The following SLC34A3 variants were observed in gnomAD, a reference collection of about 807,000 sequenced individuals.
The protein encoded by SLC34A3 is sodium-dependent phosphate transport protein 2C.
SLC34A3 carries 60 observed loss-of-function variants against 43.9 expected under a neutral mutation model. That is an observed-to-expected ratio of 1.37 (90% CI 1.11 to 1.70). The LOEUF is 1.70. Among genes scored for constraint, SLC34A3 ranks in the 40% most tolerant of loss-of-function variants. SLC34A3 has a pLI of 0.00. For synonymous variants in SLC34A3, 451 were observed against 386.2 expected (o/e 1.17, Z -1.97); for missense variants, 969 against 823.8 (o/e 1.18, Z -2.16).
chr9:137,232,305 C>G (rs553784038), intron 3 of SLC34A3, 144 bp downstream of exon 3: 2 of 865,300 alleles, frequency 2.3e-6, no homozygotes, highest in African/African-American at 1.7e-5. Flanking sequence ...AGACACGTGT[C>G]CCTCAACCGG....
Position 137,234,807 on chromosome 9 carries a change from C to T in SLC34A3, c.1335+76C>T. ...CCACAGACAGGAGTGTGTCACCAGC[C>T]CCGGGGCCCTAGGCTGGCTGTGCCC... On this transcript the variant is annotated intron_variant, in intron 12 of 12. Transcript: ENST00000673835. This position sits in a 1 kb window ranked among gnomAD's most constrained non-coding sequence, Gnocchi z 6.9. 1 of 1,594,238 alleles carries T rather than the reference C, an allele frequency of 6.3e-7. No homozygotes were observed. The highest frequency in any genetic ancestry group is 8.5e-7 in the Non-Finnish European group (1 of 1,176,964).
intron 2 of SLC34A3, 67 bp downstream of exon 2, chr9:137,231,854 A>T: frequency 7.1e-7 from 1 of 1,408,272 alleles, no homozygotes; most frequent in Non-Finnish European, 1.0e-6. Context: ...CACTGGGCAG[A>T]GACAGGCCAG....
chr9:137,234,099 C>A lies in SLC34A3; in HGVS notation c.926-10C>A. 1 of 1,557,520 alleles carries A rather than the reference C, an allele frequency of 6.4e-7. No individual in the cohort carries two copies. Among genetic ancestry groups the A allele is most frequent in the East Asian group, 2.3e-5 (1 of 42,734 alleles). Reference sequence around the variant, plus strand: ...AGGCTCCCCCTCACCTGCCCCTGCCCTGCCCCCAGGCCGCCACCTGTTTGC... The same window carrying A: ...AGGCTCCCCCTCACCTGCCCCTGCCATGCCCCCAGGCCGCCACCTGTTTGC... On this transcript the variant is annotated splice_polypyrimidine_tract_variant and intron_variant, in intron 9 of 12. Coordinates refer to ENST00000673835, the MANE Select transcript of SLC34A3 (RefSeq NM_001177316.2). This position sits in a 1 kb window ranked among gnomAD's most constrained non-coding sequence, Gnocchi z 6.9.
At chr9:137,230,153 G>T (rs915771067), upstream of SLC34A3, among the ~76,000 whole-genome samples, 1 of 152,118 alleles carries the variant, frequency 6.6e-6, no homozygotes, top group African/African-American at 2.4e-5. Flanking sequence ...GGCAGGAAGA[G>T]GCCCAGTCCT....
intron 1 of SLC34A3, 83 bp from the exon 2 acceptor site, chr9:137,231,581 G>C: frequency 2.3e-6 from 2 of 874,306 alleles, no homozygotes; most frequent in Admixed American, 3.4e-5. Flanking sequence ...TCAATTCAGG[G>C]GACCCAGGGG....
chr9:137,233,660 G>A lies in SLC34A3; in HGVS notation c.784G>A (p.Ala262Thr), dbSNP rs1036811553. The A allele has an allele frequency of 2.5e-6, 4 of 1,612,658 alleles. No individual in the cohort carries two copies. Among genetic ancestry groups the A allele is most frequent in the African/African-American group, 2.7e-5 (2 of 74,880 alleles). Reference sequence around the variant, plus strand: ...GGACTCCGACATGATCATGAGCAGTGCCACAGGCAACGCCACTAACAGCAG... The same window carrying A: ...GGACTCCGACATGATCATGAGCAGTACCACAGGCAACGCCACTAACAGCAG... ...QLDSDMIMSS[A>T]TGNATNSSLI... The change falls in exon 8 of 13, where the codon GCC becomes ACC. Residue 262 changes from alanine to threonine, a missense_variant. Transcript: ENST00000673835.
rs1454626348 is a variant in SLC34A3, at chr9:137,233,274, T to G, written c.626T>G (p.Leu209Arg). 2 of 1,584,754 alleles carry G rather than the reference T, an allele frequency of 1.3e-6. No homozygotes were observed. The highest frequency in any genetic ancestry group is 1.8e-5 in the Admixed American group (1 of 56,458). The stretch of plus-strand genomic sequence containing the variant: ...CTCACAGTGCTGGTCCTGCTGCCAC[T>G]GGAGAGCGCCACGGCCCTGCTGGAG... ...NWLTVLVLLPLESATALLERL... is the reference protein window; with the variant it reads ...NWLTVLVLLPRESATALLERL... The change falls in exon 7 of 13, where the codon CTG (leucine) becomes CGG (arginine). Residue 209 changes from leucine to arginine, a missense_variant. Transcript: ENST00000673835.
chr9:137,236,265 CCTGGCTCCCCGT>C lies in SLC34A3; in HGVS notation c.1658_1669del (p.Pro553_Leu556del). The C allele has an allele frequency of 6.5e-7, 1 of 1,543,538 alleles. No individual in the cohort carries two copies. On this transcript the variant is annotated inframe_deletion, in exon 13 of 13. Transcript: ENST00000673835. ...CTGCCTGTCCGCCTGCGCTCCTGGG[CCTGGCTCCCCGT>C]CTGGCTCCATTCTCTGGAGCCCTGG...
In SLC34A3 at chr9:137,231,853, GAGAC is replaced by G. The variant is rs925628175; in HGVS notation, c.85+69_85+72del. On this transcript the variant is annotated intron_variant, in intron 2 of 12. Coordinates refer to ENST00000673835, the MANE Select transcript of SLC34A3 (RefSeq NM_001177316.2). ...CCACCCACCCCCCAGGCACTGGGCA[GAGAC>G]AGGCCAGGTTTCCTGCGGGCCTCCC... The G allele has an allele frequency of 3.2e-5, 45 of 1,425,920 alleles. No individual in the cohort carries two copies. In the African/African-American group the frequency reaches 5.9e-4, roughly 19 times the overall value. The allele number at this position is 1,425,920 out of a possible 1,614,324, so 88.3% of individuals were successfully genotyped here. A position where few individuals can be genotyped will look rare whatever the true frequency, so the allele number is the denominator to read the frequency against.
At position 137,234,258 on chromosome 9, in the gene SLC34A3, A is replaced by T. The variant is rs763349467; in HGVS notation, c.1075A>T (p.Arg359Trp). 1.2e-6 allele frequency: 2 copies of T among 1,611,010 alleles called. No homozygotes were observed. The highest frequency in any genetic ancestry group is 2.2e-5 in the South Asian group (2 of 90,892). ...GCGCGGCCGCGTGGCCCAGGTCGTG[A>T]GGACAGTCATCAATGCGGGTGAGGG... ...VLRGRVAQVVRTVINADFPFP... is the reference protein window; with the variant it reads ...VLRGRVAQVVWTVINADFPFP... The change falls in exon 10 of 13, where the codon AGG becomes TGG. Residue 359 changes from arginine (R) to tryptophan (W), a missense_variant. Physicochemically the swap from Arg to Trp is moderately radical, Grantham distance 101 (BLOSUM62 -3). Transcript: ENST00000673835. This position sits in a 1 kb window ranked among gnomAD's most constrained non-coding sequence, Gnocchi z 6.9.
intron 1 of SLC34A3, among the ~76,000 whole-genome samples, chr9:137,231,284 C>A (rs553177485): frequency 6.6e-6 from 1 of 152,288 alleles, no homozygotes; most frequent in African/African-American, 2.4e-5. Flanking sequence ...TGTTTAGTAT[C>A]AAATGCCAAA....
At position 137,234,076 on chromosome 9, in the gene SLC34A3, G is replaced by GC. The variant is rs1196762269; in HGVS notation, c.926-32dup. 1 of 1,113,290 alleles carries GC rather than the reference G, an allele frequency of 9.0e-7. No individual in the cohort carries two copies. Among genetic ancestry groups the GC allele is most frequent in the Non-Finnish European group, 1.2e-6 (1 of 827,506 alleles). The allele number at this position is 1,113,290 out of a possible 1,614,324, so 69.0% of individuals were successfully genotyped here. ...CGGCCCACCCCGGCCCACCCCCCAG[G>GC]CTCCCCCTCACCTGCCCCTGCCCTG... On this transcript the variant is annotated intron_variant, in intron 9 of 12. Coordinates refer to ENST00000673835, the MANE Select transcript of SLC34A3 (RefSeq NM_001177316.2). This position sits in a 1 kb window ranked among gnomAD's most constrained non-coding sequence, Gnocchi z 6.9.
chr9:137,233,779 T>TGGCG, intron 8 of SLC34A3, 57 bp downstream of exon 8: 1 of 1,445,824 alleles, frequency 6.9e-7, no homozygotes, highest in Non-Finnish European at 9.6e-7. Flanking sequence ...TGCTGAGTCA[T>TGGCG]CCCGCCCCAC....
chr9:137,234,505 T>C lies in SLC34A3; in HGVS notation c.1183T>C (p.Phe395Leu), dbSNP rs560440785. The C allele has an allele frequency of 6.9e-6, 11 of 1,604,456 alleles. No homozygotes were observed. Among genetic ancestry groups the C allele is most frequent in the Non-Finnish European group, 5.9e-6 (7 of 1,178,362 alleles). Residue 395 changes from phenylalanine to leucine, a missense_variant, in exon 11 of 13, where the codon TTC becomes CTC. Coordinates refer to ENST00000673835, the MANE Select transcript of SLC34A3 (RefSeq NM_001177316.2). The surrounding 1 kb of genome is among the most constrained non-coding windows in gnomAD (Gnocchi z 6.9). Reference protein sequence around the residue: ...LTFALQSSSVFTAAVVPLMGV... With the variant: ...LTFALQSSSVLTAAVVPLMGV... ...CTTCGCACTGCAGAGCAGCAGCGTC[T>C]TCACGGCGGCCGTCGTGCCCCTCAT...
At chr9:137,233,170 G>A (rs1253020693) in intron 6 of SLC34A3, 39 bp from the exon 7 acceptor site, 4 of 1,555,110 alleles carry the variant, frequency 2.6e-6, no homozygotes, top group Admixed American at 1.9e-5. Flanking sequence ...CCCAGCCCGG[G>A]CCCCCCCACC....
chr9:137,234,492 G>C lies in SLC34A3; in HGVS notation c.1170G>C (p.Gln390His). 6.2e-7 allele frequency: 1 copy of C among 1,603,684 alleles called. No individual in the cohort carries two copies. The highest frequency in any genetic ancestry group is 2.2e-5 in the East Asian group (1 of 44,818). Reference protein sequence around the residue: ...LAGAGLTFALQSSSVFTAAVV... With the variant: ...LAGAGLTFALHSSSVFTAAVV... ...GCGCCGGCCTGACCTTCGCACTGCA[G>C]AGCAGCAGCGTCTTCACGGCGGCCG... The change falls in exon 11 of 13, where the codon CAG (glutamine) becomes CAC (histidine). Residue 390 changes from glutamine to histidine, a missense_variant. Gln to His is a conservative substitution (Grantham distance 24, BLOSUM62 0). Coordinates refer to ENST00000673835, the MANE Select transcript of SLC34A3 (RefSeq NM_001177316.2). This position sits in a 1 kb window ranked among gnomAD's most constrained non-coding sequence, Gnocchi z 6.9.
chr9:137,236,488 C>A lies in SLC34A3; in HGVS notation c.*72C>A. ...CTCTGGAGGGCCCTGGAGGGGGGGT[C>A]CCCGCGGCAGCTGACCTCCGGTCAC... is the stretch of plus-strand genomic sequence containing the variant. On this transcript the variant is annotated 3_prime_UTR_variant, in exon 13 of 13. Coordinates refer to ENST00000673835, the MANE Select transcript of SLC34A3 (RefSeq NM_001177316.2). 1 of 1,333,242 alleles carries A rather than the reference C, an allele frequency of 7.5e-7. No homozygotes were observed. Among genetic ancestry groups the A allele is most frequent in the Non-Finnish European group, 1.0e-6 (1 of 963,440 alleles). 82.6% of individuals were successfully genotyped at this position (1,333,242 alleles called of 1,614,324 possible).
rs1262578769 is a variant in SLC34A3, at chr9:137,236,433, A to G, written c.*17A>G. 1.3e-6 allele frequency: 2 copies of G among 1,532,080 alleles called. No homozygotes were observed. Among genetic ancestry groups the G allele is most frequent in the Non-Finnish European group, 1.7e-6 (2 of 1,143,104 alleles). 94.9% of individuals were successfully genotyped at this position (1,532,080 alleles called of 1,614,324 possible). On this transcript the variant is annotated 3_prime_UTR_variant, in exon 13 of 13. Transcript: ENST00000673835. ...CAGTTGTGACGGGCAGTTGCTGAGC[A>G]GACCGCCCCACCCTCCCCGGCTGGG...
At position 137,234,912 on chromosome 9, in the gene SLC34A3, C is replaced by G. The variant is rs1482008630; in HGVS notation, c.1335+181C>G. Among the ~76,000 whole-genome samples the G allele has an allele frequency of 1.3e-5, 2 of 152,132 alleles. No homozygotes were observed. The highest frequency in any genetic ancestry group is 2.9e-5 in the Non-Finnish European group (2 of 67,998). On this transcript the variant is annotated intron_variant, in intron 12 of 12. Coordinates refer to ENST00000673835, the MANE Select transcript of SLC34A3 (RefSeq NM_001177316.2). The surrounding 1 kb of genome is among the most constrained non-coding windows in gnomAD (Gnocchi z 6.9). ...CCTTGGACCCCACAGGTCCTGCACACATTTCACACCCTCCCTGCGTCTCCT... is the reference window on the plus strand; with the variant it reads ...CCTTGGACCCCACAGGTCCTGCACAGATTTCACACCCTCCCTGCGTCTCCT...
Sources: gnomAD v4.1 joint callset for allele counts (sites outside exome capture counted in the v4.1 genomes callset) on GRCh38, gnomAD v4.1.1 for gene constraint, Gnocchi (gnomAD v3.1) non-coding constraint, MANE v1.5 for transcripts, NCBI Gene and HGNC (gene_info 2026-07-23, HGNC 2026-07-21) for gene names.